CDKL4: variants seen among roughly 807,000 people sequenced by gnomAD.
CDKL4 encodes cyclin dependent kinase like 4.
CDKL4 carries 44 observed loss-of-function variants against 42.0 expected under a neutral mutation model. That is an observed-to-expected ratio of 1.05 (90% CI 0.82 to 1.35). CDKL4 has a LOEUF of 1.35. Ranked by LOEUF, CDKL4 falls within the 40% of genes most tolerant of loss-of-function variation. The probability of loss-of-function intolerance (pLI) is 0.00; values close to 1 mark genes in which losing one functional copy is unlikely to be tolerated. For missense variants in CDKL4, 393 were observed against 369.9 expected (o/e 1.06, Z -0.51); for synonymous variants, 120 against 121.6 (o/e 0.99, Z 0.09).
intron 5 of CDKL4, among the ~76,000 whole-genome samples, chr2:39,192,728 G>A (rs183741946): frequency 3.6e-4 from 55 of 152,032 alleles, no homozygotes; most frequent in African/African-American, 1.3e-3. Flanking sequence ...AAGTGCATAT[G>A]ACAGGATTTA....
intron 3 of CDKL4, among the ~76,000 whole-genome samples, chr2:39,224,260 C>G (rs1047395956): frequency 6.6e-6 from 1 of 151,658 alleles, no homozygotes; most frequent in African/African-American, 2.4e-5. Context: ...TAGTCTTTTT[C>G]AAATTTCAAA....
intron 4 of CDKL4, among the ~76,000 whole-genome samples, 160 bp downstream of exon 4, chr2:39,213,240 C>T (rs1223663602): frequency 6.6e-6 from 1 of 152,038 alleles, no homozygotes; most frequent in Non-Finnish European, 1.5e-5. Flanking sequence ...CCACTTCAGC[C>T]TCCCAAGGTG....
chr2:39,216,270 T>G (rs1325915223), intron 3 of CDKL4, among the ~76,000 whole-genome samples: 2 of 152,082 alleles, frequency 1.3e-5, no homozygotes, highest in African/African-American at 4.8e-5. Flanking sequence ...TCGATGGGAT[T>G]GAGACCCCTG....
chr2:39,236,294 C>G (rs1313102450), intron 1 of CDKL4, among the ~76,000 whole-genome samples: 2 of 151,976 alleles, frequency 1.3e-5, no homozygotes, highest in Admixed American at 6.6e-5. Context: ...ATGAACAGAG[C>G]CTCAGAGACC....
chr2:39,189,978 T>C (rs989322713), intron 6 of CDKL4, among the ~76,000 whole-genome samples: 2 of 152,212 alleles, frequency 1.3e-5, no homozygotes, highest in African/African-American at 2.4e-5. Flanking sequence ...TGATCAAATA[T>C]CTTAGATTAA....
intron 6 of CDKL4, among the ~76,000 whole-genome samples, chr2:39,188,017 G>C (rs1381726593): frequency 6.6e-6 from 1 of 151,230 alleles, no homozygotes; most frequent in East Asian, 2.0e-4. Context: ...GCAGTGAGCT[G>C]AGATCATGCC....
chr2:39,236,281 A>G (rs1341952399), intron 1 of CDKL4, among the ~76,000 whole-genome samples: 1 of 152,172 alleles, frequency 6.6e-6, no homozygotes, highest in Non-Finnish European at 1.5e-5. Flanking sequence ...GAAGAAAAAC[A>G]AGATGAACAG....
rs1421521455 is a variant in CDKL4 at position 39,185,151 on chromosome 2, TATATATACAC to T, written c.736-514_736-505del. 4.4e-5 allele frequency among the ~76,000 whole-genome samples: 6 copies of T among 137,390 alleles called. No homozygotes were observed. In the Admixed American group the frequency reaches 4.5e-4, roughly 10 times the overall value. 90.1% of individuals were successfully genotyped at this position (137,390 alleles called of 152,430 possible). On this transcript the variant is annotated intron_variant, in intron 7 of 9. Transcript: ENST00000451199. The stretch of plus-strand genomic sequence containing the variant: ...ACATATATATACATATATATGTGTA[TATATATACAC>T]ATATGTATATATATACATATGTGTA...
intron 1 of CDKL4, among the ~76,000 whole-genome samples, chr2:39,233,077 A>AAAGAAAAAG (rs1553394707): frequency 1.4e-4 from 19 of 137,484 alleles, no homozygotes; most frequent in African/African-American, 3.2e-4. Flanking sequence ...AGAAAGAAAG[A>AAAGAAAAAG]AAAAGAAAAG....
intron 1 of CDKL4, among the ~76,000 whole-genome samples, chr2:39,231,537 C>T (rs553246002): frequency 6.6e-6 from 1 of 152,228 alleles, no homozygotes; most frequent in East Asian, 1.9e-4. Context: ...GGAATGAATT[C>T]GATTTCCTCT....
chr2:39,218,181 G>A (rs748956466), intron 3 of CDKL4, among the ~76,000 whole-genome samples: 9 of 151,930 alleles, frequency 5.9e-5, no homozygotes, highest in Admixed American at 1.3e-4. Flanking sequence ...ACTTGACTAG[G>A]TTAAGGGATG....
chr2:39,199,940 C>A (rs922719259), intron 5 of CDKL4, among the ~76,000 whole-genome samples: 1 of 152,036 alleles, frequency 6.6e-6, no homozygotes, highest in Non-Finnish European at 1.5e-5. Flanking sequence ...GACAAGGATG[C>A]CCACTTTCAC....
At chr2:39,194,539 T>C (rs1020674143) in intron 5 of CDKL4, among the ~76,000 whole-genome samples, 3 of 152,200 alleles carry the variant, frequency 2.0e-5, no homozygotes, top group African/African-American at 7.2e-5. Context: ...GAGTAGTATT[T>C]TAATGTGCAT....
intron 8 of CDKL4, among the ~76,000 whole-genome samples, chr2:39,183,841 G>C (rs1675576770): frequency 6.6e-6 from 1 of 152,134 alleles, no homozygotes; most frequent in African/African-American, 2.4e-5. Context: ...GGAGGACTTA[G>C]GTTGAAGCAC....
At chr2:39,174,261 C>T (rs935124941), downstream of CDKL4, among the ~76,000 whole-genome samples, 1 of 151,884 alleles carries the variant, frequency 6.6e-6, no homozygotes, top group Non-Finnish European at 1.5e-5. Context: ...TAAAAATTAG[C>T]CAGGTGTGGT....
intron 8 of CDKL4, among the ~76,000 whole-genome samples, chr2:39,181,096 G>A (rs72927464): frequency 0.045 from 6,835 of 152,096 alleles, 532 homozygotes; most frequent in African/African-American, 0.16. Context: ...TAATACCTCT[G>A]ACCTCTACTT....
chr2:39,221,599 T>C (rs1463485080), intron 3 of CDKL4, among the ~76,000 whole-genome samples: 1 of 152,224 alleles, frequency 6.6e-6, no homozygotes, highest in African/African-American at 2.4e-5. Context: ...CATTACTCCA[T>C]GCATAATAGA....
chr2:39,184,619 A>T, exon 8 of CDKL4: 1 of 1,612,132 alleles, frequency 6.2e-7, no homozygotes, highest in Non-Finnish European at 8.5e-7. Context: ...CACAGGATGA[A>T]CATCTGAGAA....
the CDKL4 span, among the ~76,000 whole-genome samples, chr2:39,168,509 G>T: frequency 6.6e-6 from 1 of 152,220 alleles, no homozygotes; most frequent in East Asian, 1.9e-4. Flanking sequence ...GCTGAGGCGG[G>T]TGGATCACCC....
Sources: gnomAD v4.1 joint callset for allele counts (sites outside exome capture counted in the v4.1 genomes callset) on GRCh38, gnomAD v4.1.1 for gene constraint, MANE v1.5 for transcripts, NCBI Gene and HGNC (gene_info 2026-07-23, HGNC 2026-07-21) for gene names.